Variants in DMD observed in about 807,000 individuals in gnomAD.
DMD encodes mutant dystrophin.
In DMD, 63 loss-of-function variants were observed where a neutral mutation model predicts 330.1. That is an observed-to-expected ratio of 0.19 (90% CI 0.16 to 0.24). DMD has a LOEUF of 0.24. DMD is among the 10% of genes least tolerant of loss of function. DMD has a pLI of 1.00. For synonymous variants in DMD, 1,223 were observed against 959.8 expected (o/e 1.27, Z -5.07); for missense variants, 3,344 against 2,684.1 (o/e 1.25, Z -5.43).
chrX:32,643,869 A>T (rs1258120720), intron 11 of DMD, among the ~76,000 whole-genome samples: 1 of 112,127 alleles, frequency 8.9e-6, no homozygotes, highest in Non-Finnish European at 1.9e-5. Flanking sequence ...AACCTAGAAA[A>T]TAATAACTAT....
chrX:31,163,708 G>A (rs755468187), intron 74 of DMD, among the ~76,000 whole-genome samples: 25 of 110,940 alleles, frequency 2.3e-4, no homozygotes, highest in African/African-American at 6.9e-4. Context: ...TCAAGGTCAC[G>A]CCTCCTCCCA....
chrX:32,296,798 AT>A (rs751396687), intron 42 of DMD, among the ~76,000 whole-genome samples: 116 of 111,987 alleles, frequency 1.0e-3, no homozygotes, highest in African/African-American at 3.7e-3. Flanking sequence ...ATAATATGAA[AT>A]TGTTGTTTCA....
intron 37 of DMD, among the ~76,000 whole-genome samples, chrX:32,354,264 G>C (rs1222993638): frequency 9.0e-6 from 1 of 111,443 alleles, no homozygotes; most frequent in Admixed American, 9.5e-5. Context: ...GCTACAGATT[G>C]GTTTAAAATT....
At chrX:32,513,647 G>A (rs1467045302) in intron 18 of DMD, among the ~76,000 whole-genome samples, 2 of 111,417 alleles carry the variant, frequency 1.8e-5, no homozygotes, top group East Asian at 5.6e-4. Flanking sequence ...AGGAGGTCTG[G>A]GGAAATAATG....
intron 44 of DMD, among the ~76,000 whole-genome samples, chrX:32,141,040 T>C (rs1269957627): frequency 1.8e-5 from 2 of 111,687 alleles, no homozygotes; most frequent in Non-Finnish European, 3.8e-5. Context: ...TAAAAACATT[T>C]GATACATTGC....
Position 32,971,758 on chromosome X carries a change from C to T in DMD, c.93+48381G>A, listed in dbSNP as rs1360720129. ...TATTAAAAGATTCATGACCTAGAGA[C>T]ACACACATATATATATATGTGTGCA... is the stretch of plus-strand genomic sequence containing the variant. On this transcript the variant is annotated intron_variant, in intron 2 of 78. Transcript: ENST00000357033. Among the ~76,000 whole-genome samples, 10 of 110,492 alleles carry T rather than the reference C, an allele frequency of 9.1e-5. No homozygotes were observed. The Admixed American group carries it at 9.7e-4, about 11-fold the overall frequency.
intron 17 of DMD, among the ~76,000 whole-genome samples, chrX:32,522,611 GAAC>G (rs1361835065): frequency 3.6e-5 from 4 of 112,049 alleles, no homozygotes; most frequent in African/African-American, 1.3e-4. Context: ...TTAGAATAAA[GAAC>G]AAAATTTCAA....
chrX:32,507,146 G>A (rs923992348), intron 18 of DMD, among the ~76,000 whole-genome samples: 1 of 111,419 alleles, frequency 9.0e-6, no homozygotes, highest in African/African-American at 3.3e-5. Flanking sequence ...AAGACAGGAG[G>A]ATTTGGGGTG....
intron 13 of DMD, among the ~76,000 whole-genome samples, chrX:32,576,149 C>T (rs1328188042): frequency 9.0e-6 from 1 of 111,519 alleles, no homozygotes; most frequent in Non-Finnish European, 1.9e-5. Context: ...AGTAGTTCTC[C>T]TTTATCCATA....
intron 55 of DMD, among the ~76,000 whole-genome samples, chrX:31,544,564 TGTG>T (rs748794408): frequency 7.2e-5 from 8 of 110,773 alleles, no homozygotes; most frequent in African/African-American, 9.9e-5. Flanking sequence ...CAGGCCTTGC[TGTG>T]GTCACCCCAG....
intron 45 of DMD, among the ~76,000 whole-genome samples, chrX:31,965,673 C>T (rs1459722415): frequency 3.6e-5 from 4 of 111,646 alleles, no homozygotes; most frequent in Non-Finnish European, 7.5e-5. Context: ...CTATGACTTC[C>T]CCTTACAGCC....
intron 50 of DMD, among the ~76,000 whole-genome samples, chrX:31,800,924 C>G (rs1245250369): frequency 9.0e-6 from 1 of 111,571 alleles, no homozygotes; most frequent in Non-Finnish European, 1.9e-5. Flanking sequence ...TTGGTCAAAA[C>G]CATTCAACAA....
chrX:32,682,201 A>G (rs2062476006), intron 9 of DMD, among the ~76,000 whole-genome samples: 1 of 112,034 alleles, frequency 8.9e-6, no homozygotes, highest in African/African-American at 3.2e-5. Context: ...TAATATGGCC[A>G]TATATGTTCC....
chrX:31,731,662 C>T (rs1219988307), intron 51 of DMD, among the ~76,000 whole-genome samples: 1 of 111,373 alleles, frequency 9.0e-6, no homozygotes, highest in Non-Finnish European at 1.9e-5. Context: ...CAAATATATT[C>T]GGTATAGTGT....
chrX:33,123,229 C>G (rs1217208531), intron 1 of DMD, among the ~76,000 whole-genome samples: 1 of 111,702 alleles, frequency 9.0e-6, no homozygotes, highest in Non-Finnish European at 1.9e-5. Context: ...GACATTCACA[C>G]AACGATGAAA....
intron 7 of DMD, among the ~76,000 whole-genome samples, chrX:32,767,372 C>G (rs2073110678): frequency 9.0e-6 from 1 of 111,202 alleles, no homozygotes; most frequent in South Asian, 3.8e-4. Context: ...AAAAAAAACC[C>G]CAAAATGATT....
rs58496984 is a variant in DMD at position 32,657,891 on chromosome X, G to GA, written c.961-12740dup. ...ATTTTAATCAGTCATTTATAAATAG[G>GA]AAAAAAATGATTCACTGGATACTTT... On this transcript the variant is annotated intron_variant, in intron 9 of 78. Transcript: ENST00000357033. Among the ~76,000 whole-genome samples, 1,081 of 111,069 alleles carry GA rather than the reference G, an allele frequency of 9.7e-3. 21 individuals carry two copies. The highest frequency in any genetic ancestry group is 0.034 in the African/African-American group (1,027 of 30,652).
chrX:31,954,459 T>C (rs1170991175), intron 45 of DMD, among the ~76,000 whole-genome samples: 1 of 111,728 alleles, frequency 9.0e-6, no homozygotes, highest in Non-Finnish European at 1.9e-5. Flanking sequence ...TCATTTTTCC[T>C]TAAGTATTCT....
intron 3 of DMD, 109 bp downstream of exon 3, chrX:32,849,619 T>C (rs2080968312): frequency 1.7e-6 from 1 of 588,974 alleles, no homozygotes; most frequent in African/African-American, 2.2e-5. Context: ...TATTGCTGTT[T>C]CAATCAGTAC....
Sources: allele counts gnomAD v4.1 joint callset (sites outside exome capture counted in the v4.1 genomes callset), GRCh38; gene constraint gnomAD v4.1.1; transcripts MANE v1.5; gene names NCBI Gene and HGNC (gene_info 2026-07-23, HGNC 2026-07-21).